Variants in DIPK1C observed in about 807,000 individuals in gnomAD.
The protein encoded by DIPK1C is divergent protein kinase domain 1C.
Under a neutral mutation model 28.0 loss-of-function variants are expected in DIPK1C, and 33 were observed. That is an observed-to-expected ratio of 1.18 (90% CI 0.89 to 1.58). DIPK1C has a LOEUF of 1.58. Among genes scored for constraint, DIPK1C ranks in the 40% most tolerant of loss-of-function variants. The pLI is 0.00. For synonymous variants in DIPK1C, 255 were observed against 248.8 expected (o/e 1.02, Z -0.23); for missense variants, 569 against 568.5 (o/e 1.00, Z -0.01).
rs925661084 is a variant in DIPK1C, at chr18:74,447,455, T to C, written c.199-172A>G. ...CAGAGGCCACTCAGCCAGTGAGTAA[T>C]TCAGAGGAAGGTTAAAGGAGCCGCT... On this transcript the variant is annotated intron_variant, in intron 1 of 3. Coordinates refer to ENST00000343998, the MANE Select transcript of DIPK1C (RefSeq NM_001044369.3). This position sits in a 1 kb window ranked among gnomAD's most constrained non-coding sequence, Gnocchi z 4.1. 3.9e-5 allele frequency among the ~76,000 whole-genome samples: 6 copies of C among 152,128 alleles called. No homozygotes were observed. Among genetic ancestry groups the C allele is most frequent in the Non-Finnish European group, 2.9e-5 (2 of 68,018 alleles).
At chr18:74,442,242 T>C (rs1599036199) in intron 2 of DIPK1C, 126 bp from the exon 3 acceptor site, 1 of 1,099,538 alleles carries the variant, frequency 9.1e-7, no homozygotes, top group Non-Finnish European at 1.3e-6. Context: ...ATCCCAGAAG[T>C]CCCAAGAGCC....
Position 74,435,420 on chromosome 18 carries a change from T to C in DIPK1C, c.*1081A>G, listed in dbSNP as rs1436610005. The C allele has an allele frequency of 6.6e-6, 1 of 152,254 alleles. No individual in the cohort carries two copies. Among genetic ancestry groups the C allele is most frequent in the Non-Finnish European group, 1.5e-5 (1 of 68,066 alleles). 9.4% of individuals were successfully genotyped at this position (152,254 alleles called of 1,614,324 possible). ...AAAGCCTCCTTGGGATCACCACTGA[T>C]GAGCGTATCATGCCACCATAGGATT... On this transcript the variant is annotated 3_prime_UTR_variant, in exon 4 of 4. Coordinates refer to ENST00000343998, the MANE Select transcript of DIPK1C (RefSeq NM_001044369.3).
intron 1 of DIPK1C, among the ~76,000 whole-genome samples, chr18:74,455,975 T>A (rs1044373062): frequency 1.3e-5 from 2 of 152,240 alleles, no homozygotes; most frequent in Non-Finnish European, 2.9e-5. Flanking sequence ...TTAAAAACTT[T>A]GTGGTCCCAC....
At chr18:74,453,448 G>C (rs1317426362) in intron 1 of DIPK1C, among the ~76,000 whole-genome samples, 1 of 152,208 alleles carries the variant, frequency 6.6e-6, no homozygotes, top group Non-Finnish European at 1.5e-5. Flanking sequence ...ATTCGCTGCT[G>C]AGAAATCTCT....
At chr18:74,446,455 A>C in intron 2 of DIPK1C, 151 bp downstream of exon 2, 1 of 608,756 alleles carries the variant, frequency 1.6e-6, no homozygotes, top group Non-Finnish European at 2.5e-6. Flanking sequence ...CCCGGAAGGA[A>C]GTGTTCTGGT....
At chr18:74,439,205 A>C (rs188704112) in intron 3 of DIPK1C, among the ~76,000 whole-genome samples, 1 of 151,996 alleles carries the variant, frequency 6.6e-6, no homozygotes. Flanking sequence ...ACACTAGAAT[A>C]ATATTTGAAA....
chr18:74,439,383 C>T (rs960313956), intron 3 of DIPK1C, among the ~76,000 whole-genome samples: 3 of 152,146 alleles, frequency 2.0e-5, no homozygotes, highest in African/African-American at 7.2e-5. Flanking sequence ...GCTCTCCCTG[C>T]CTTGGTCTAC....
chr18:74,440,031 G>A (rs751177812), intron 3 of DIPK1C, among the ~76,000 whole-genome samples: 5 of 148,642 alleles, frequency 3.4e-5, no homozygotes, highest in East Asian at 2.0e-4. Flanking sequence ...TGCAAGCTCC[G>A]CCTCCCGGGT....
intron 2 of DIPK1C, among the ~76,000 whole-genome samples, chr18:74,444,193 T>A (rs1285356849): frequency 6.6e-6 from 1 of 152,216 alleles, no homozygotes; most frequent in Admixed American, 6.5e-5. Flanking sequence ...AATTATTTCA[T>A]TCTTCACCAA....
At chr18:74,437,368 A>C (rs1302181932) in intron 3 of DIPK1C, among the ~76,000 whole-genome samples, 1 of 151,842 alleles carries the variant, frequency 6.6e-6, no homozygotes, top group Non-Finnish European at 1.5e-5. Context: ...AAAATTAGAC[A>C]CTCTCTTTAA....
rs1433105641 is a variant in DIPK1C, at chr18:74,434,896, T to C, written c.*1605A>G. 2 of 152,232 alleles carry C rather than the reference T, an allele frequency of 1.3e-5. No homozygotes were observed. Among genetic ancestry groups the C allele is most frequent in the East Asian group, 1.9e-4 (1 of 5,200 alleles). 9.4% of individuals were successfully genotyped at this position (152,232 alleles called of 1,614,324 possible). A position where few individuals can be genotyped will look rare whatever the true frequency, so the allele number is the denominator to read the frequency against. On this transcript the variant is annotated 3_prime_UTR_variant, in exon 4 of 4. Transcript: ENST00000343998. ...ATGTCCATGATGAGGAGGCCCTCTA[T>C]GGAACTCTGTGTCATTTGGAAGATC...
Position 74,441,956 on chromosome 18 carries a change from A to T in DIPK1C, c.1037T>A (p.Leu346Gln). 6.2e-7 allele frequency: 1 copy of T among 1,613,092 alleles called. No individual in the cohort carries two copies. Residue 346 changes from leucine (L) to glutamine (Q), a missense_variant, in exon 3 of 4, where the codon CTG becomes CAG. Physicochemically the swap from Leu to Gln is moderately radical, Grantham distance 113. Transcript: ENST00000343998. Reference protein sequence around the residue: ...KCGAQRVNNNLQVICDKIFRH... With the variant: ...KCGAQRVNNNQQVICDKIFRH... ...AGCCCTGGCGGACTCTCATACCTGC[A>T]GGTTGTTGTTTACGCGCTGCGCTCC...
chr18:74,437,625 C>G (rs574737070), intron 3 of DIPK1C, among the ~76,000 whole-genome samples: 2 of 152,260 alleles, frequency 1.3e-5, no homozygotes, highest in South Asian at 2.1e-4. Flanking sequence ...TTTCACAATC[C>G]CTGCAAAAGC....
the DIPK1C span, among the ~76,000 whole-genome samples, chr18:74,463,341 A>G: frequency 6.6e-6 from 1 of 152,190 alleles, no homozygotes; most frequent in Admixed American, 6.5e-5. Flanking sequence ...CCTTTTTACA[A>G]AATGAAGCAC....
upstream of DIPK1C, among the ~76,000 whole-genome samples, chr18:74,461,059 C>T (rs2144538807): frequency 6.6e-6 from 1 of 152,358 alleles, no homozygotes; most frequent in South Asian, 2.1e-4. Flanking sequence ...TGAGGTCTTG[C>T]ACTCCAAATG....
chr18:74,454,181 G>A (rs914211441), intron 1 of DIPK1C, among the ~76,000 whole-genome samples: 1 of 125,446 alleles, frequency 8.0e-6, no homozygotes, highest in African/African-American at 2.6e-5. Flanking sequence ...GAGCCCTAGA[G>A]TCTGACCAGG....
In DIPK1C at chr18:74,446,857, CG is replaced by C; in HGVS notation, c.624del (p.His208GlnfsTer57). Reference protein sequence around the residue: ...YFSLLQDLSPHVLPVLGSCGH... With the variant: ...YFSLLQDLSPXVLPVLGSCGH... The stretch of plus-strand genomic sequence containing the variant: ...CCGCAGGAACCCAGCACGGGCAGCA[CG>C]TGTGGGCTCAGGTCCTGCAGCAGGC... On this transcript the variant is annotated frameshift_variant, in exon 2 of 4. Coordinates refer to ENST00000343998, the MANE Select transcript of DIPK1C (RefSeq NM_001044369.3). LOFTEE classifies it high-confidence loss of function. The C allele has an allele frequency of 6.6e-7, 1 of 1,514,352 alleles. No individual in the cohort carries two copies. Among genetic ancestry groups the C allele is most frequent in the Non-Finnish European group, 8.9e-7 (1 of 1,126,612 alleles). The allele number at this position is 1,514,352 out of a possible 1,614,324, so 93.8% of individuals were successfully genotyped here.
rs373635318 is a variant in DIPK1C at position 74,448,269 on chromosome 18, TC to T, written c.199-987del. The stretch of plus-strand genomic sequence containing the variant: ...AGTGTATTTCCTAATCCCGCCCATT[TC>T]CCCGACAAATGAATCTTCCTCCATG... On this transcript the variant is annotated intron_variant, in intron 1 of 3. Coordinates refer to ENST00000343998, the MANE Select transcript of DIPK1C (RefSeq NM_001044369.3). Among the ~76,000 whole-genome samples, 18 of 151,716 alleles carry T rather than the reference TC, an allele frequency of 1.2e-4. No individual in the cohort carries two copies. The East Asian group carries it at 3.5e-3, about 30-fold the overall frequency.
chr18:74,442,380 G>C lies in DIPK1C; in HGVS notation c.877-264C>G, dbSNP rs541496172. 5.9e-5 allele frequency among the ~76,000 whole-genome samples: 9 copies of C among 152,104 alleles called. No individual in the cohort carries two copies. In the East Asian group the frequency reaches 1.2e-3, roughly 20 times the overall value. On this transcript the variant is annotated intron_variant, in intron 2 of 3. Transcript: ENST00000343998. ...GTCTCACTCTGTCACCCAGGCTGGA[G>C]TGCAGTGGCGCGATCTGGGCTCACT...
Sources: allele counts gnomAD v4.1 joint callset (sites outside exome capture counted in the v4.1 genomes callset), GRCh38; gene constraint gnomAD v4.1.1; non-coding constraint Gnocchi (gnomAD v3.1); transcripts MANE v1.5; gene names NCBI Gene and HGNC (gene_info 2026-07-23, HGNC 2026-07-21).